RANBP17: variants seen among roughly 807,000 people sequenced by gnomAD.
The protein encoded by RANBP17 is ran-binding protein 17.
In RANBP17, 158 loss-of-function variants were observed where a neutral mutation model predicts 141.2. The observed-to-expected ratio is 1.12, with a 90% CI of 0.98 to 1.28. The LOEUF (loss-of-function observed/expected upper bound fraction) is 1.28. Ranked by LOEUF, RANBP17 falls within the 50% of genes most tolerant of loss-of-function variation. RANBP17 has a pLI of 0.00. For synonymous variants in RANBP17, 430 were observed against 450.0 expected (o/e 0.96, Z 0.56); for missense variants, 1,438 against 1,290.7 (o/e 1.11, Z -1.75).
intron 27 of RANBP17, 24 bp downstream of exon 27, chr5:171,296,038 C>A: frequency 1.2e-6 from 2 of 1,604,638 alleles, no homozygotes; most frequent in South Asian, 2.2e-5. Flanking sequence ...AGTAGTGTGT[C>A]ACTGGGGGAA....
At chr5:171,082,146 G>A (rs1370461177) in intron 14 of RANBP17, among the ~76,000 whole-genome samples, 1 of 151,890 alleles carries the variant, frequency 6.6e-6, no homozygotes, top group Non-Finnish European at 1.5e-5. Context: ...TCTTTGAATT[G>A]GCAATACTGT....
intron 1 of RANBP17, among the ~76,000 whole-genome samples, chr5:170,862,500 C>T (rs1262331127): frequency 6.6e-6 from 1 of 152,218 alleles, no homozygotes; most frequent in South Asian, 2.1e-4. Flanking sequence ...GTCAGCCTCC[C>T]TCCACACAGT....
intron 18 of RANBP17, among the ~76,000 whole-genome samples, chr5:171,185,651 T>A (rs867522664): frequency 1.3e-5 from 2 of 152,226 alleles, no homozygotes; most frequent in Non-Finnish European, 2.9e-5. Context: ...TTCAGTCACA[T>A]CTTCAGGCTC....
At chr5:171,243,818 A>G (rs188517146) in intron 24 of RANBP17, among the ~76,000 whole-genome samples, 1 of 152,246 alleles carries the variant, frequency 6.6e-6, no homozygotes, top group African/African-American at 2.4e-5. Flanking sequence ...CTCAGCCTGT[A>G]ATCCCAGCAC....
At chr5:171,256,659 A>G (rs746251893) in intron 24 of RANBP17, among the ~76,000 whole-genome samples, 4 of 152,204 alleles carry the variant, frequency 2.6e-5, no homozygotes, top group Non-Finnish European at 5.9e-5. Context: ...GGTAAACAAA[A>G]TAGGTAAACC....
chr5:171,123,871 T>C (rs529504191), intron 14 of RANBP17, among the ~76,000 whole-genome samples: 14 of 152,030 alleles, frequency 9.2e-5, no homozygotes, highest in Non-Finnish European at 1.5e-4. Context: ...TAACCAACAC[T>C]ACAGAAACTA....
intron 16 of RANBP17, among the ~76,000 whole-genome samples, chr5:171,172,777 A>G (rs577482311): frequency 1.3e-5 from 2 of 151,974 alleles, no homozygotes; most frequent in African/African-American, 4.8e-5. Context: ...TTCTTTTAGT[A>G]TAATTTGCAT....
chr5:170,900,212 T>C (rs1303301383), intron 5 of RANBP17, among the ~76,000 whole-genome samples: 3 of 152,278 alleles, frequency 2.0e-5, no homozygotes, highest in African/African-American at 2.4e-5. Context: ...TATTGCTCTA[T>C]TCAGGGATTC....
chr5:170,876,935 A>G (rs1299090050), intron 1 of RANBP17, among the ~76,000 whole-genome samples: 1 of 152,134 alleles, frequency 6.6e-6, no homozygotes, highest in Non-Finnish European at 1.5e-5. Context: ...TCTTTCAGAG[A>G]CTGATTCTCT....
In RANBP17 at chr5:171,251,993, G is replaced by A. The variant is rs1030542296; in HGVS notation, c.2776+9173G>A. 154 of 1,609,300 alleles carry A rather than the reference G, an allele frequency of 9.6e-5. 3 individuals are homozygous for A. In the Middle Eastern group the frequency reaches 1.3e-3, roughly 14 times the overall value. On this transcript the variant is annotated intron_variant, in intron 24 of 27. Transcript: ENST00000523189. ...GTTCTTCAAGCACTTTATTTTTGTC[G>A]TCCATTTCGGGAAACAGTTCTTGCA...
intron 1 of RANBP17, 71 bp downstream of exon 1, chr5:170,862,122 G>C: frequency 7.3e-7 from 1 of 1,373,794 alleles, no homozygotes; most frequent in African/African-American, 1.5e-5. Context: ...TCTGGAGACC[G>C]AGGGCCGAGG....
At chr5:171,111,997 G>T (rs1198083675) in intron 14 of RANBP17, among the ~76,000 whole-genome samples, 1 of 151,916 alleles carries the variant, frequency 6.6e-6, no homozygotes, top group African/African-American at 2.4e-5. Flanking sequence ...ACAGGTGATG[G>T]GTAATGTTTT....
chr5:171,037,200 G>C (rs1328542701), intron 14 of RANBP17, among the ~76,000 whole-genome samples: 1 of 152,062 alleles, frequency 6.6e-6, no homozygotes, highest in Non-Finnish European at 1.5e-5. Flanking sequence ...CTGATGGTTA[G>C]TGATGTGGAG....
intron 12 of RANBP17, among the ~76,000 whole-genome samples, chr5:170,952,673 G>T (rs1775300038): frequency 6.6e-6 from 1 of 151,718 alleles, no homozygotes; most frequent in Non-Finnish European, 1.5e-5. Flanking sequence ...TTACTTGAAA[G>T]CGTTTCTTAA....
At chr5:171,204,431 G>A (rs78313244) in intron 19 of RANBP17, among the ~76,000 whole-genome samples, 9,274 of 152,174 alleles carry the variant, frequency 0.061, 369 homozygotes, top group East Asian at 0.12. Context: ...ATAATAATTT[G>A]AACTCCTTCC....
intron 25 of RANBP17, among the ~76,000 whole-genome samples, chr5:171,269,076 C>T (rs1766931036): frequency 6.6e-6 from 1 of 152,102 alleles, no homozygotes; most frequent in Non-Finnish European, 1.5e-5. Context: ...TTTCAGATAG[C>T]ATTTTAAATA....
chr5:171,235,938 ATAGT>A (rs1764515726), intron 22 of RANBP17, among the ~76,000 whole-genome samples: 1 of 152,214 alleles, frequency 6.6e-6, no homozygotes, highest in Non-Finnish European at 1.5e-5. Context: ...GCCTTCTAGA[ATAGT>A]TATACTAATT....
chr5:171,219,102 T>G (rs1763401950), intron 21 of RANBP17, among the ~76,000 whole-genome samples: 1 of 152,164 alleles, frequency 6.6e-6, no homozygotes. Flanking sequence ...ACAAAATCCC[T>G]CAGCATTTGC....
At chr5:171,240,812 A>G in intron 22 of RANBP17, 116 bp from the exon 23 acceptor site, 1 of 638,820 alleles carries the variant, frequency 1.6e-6, no homozygotes, top group Non-Finnish European at 2.6e-6. Context: ...AAATTCTTAA[A>G]AATATGCTGG....
Sources: allele counts gnomAD v4.1 joint callset (sites outside exome capture counted in the v4.1 genomes callset), GRCh38; gene constraint gnomAD v4.1.1; transcripts MANE v1.5; gene names NCBI Gene and HGNC (gene_info 2026-07-23, HGNC 2026-07-21).